AFG2A: variants seen among roughly 807,000 people sequenced by gnomAD.
AFG2A encodes the protein ATPase family gene 2 protein homolog A.
chr4:123,088,469 C>T, the AFG2A span, among the ~76,000 whole-genome samples: 1 of 152,154 alleles, frequency 6.6e-6, no homozygotes, highest in East Asian at 1.9e-4. Context: ...TGTGTTTCTA[C>T]TTGACAGTTA....
chr4:123,131,278 T>C, the AFG2A span, among the ~76,000 whole-genome samples: 2 of 152,172 alleles, frequency 1.3e-5, no homozygotes, highest in Non-Finnish European at 2.9e-5. Flanking sequence ...TCTTTACTTA[T>C]GTATAATGTC....
the AFG2A span, among the ~76,000 whole-genome samples, chr4:123,020,056 A>T: frequency 0.012 from 1,846 of 151,978 alleles, 43 homozygotes; most frequent in African/African-American, 0.041. Flanking sequence ...TTTTTTGTTT[A>T]GTTTTGTTTT....
chr4:123,257,398 T>C, the AFG2A span, among the ~76,000 whole-genome samples: 32 of 152,176 alleles, frequency 2.1e-4, no homozygotes, highest in Non-Finnish European at 1.6e-4. Flanking sequence ...GTTGAAAATA[T>C]CGTAAGTCAA....
the AFG2A span, among the ~76,000 whole-genome samples, chr4:123,117,895 G>A: frequency 1.6e-4 from 25 of 151,650 alleles, no homozygotes; most frequent in African/African-American, 4.8e-4. Flanking sequence ...CCAGGGCTAC[G>A]CAACTAATAT....
At chr4:123,146,925 C>T in the AFG2A span, among the ~76,000 whole-genome samples, 2 of 152,118 alleles carry the variant, frequency 1.3e-5, no homozygotes, top group Non-Finnish European at 2.9e-5. Flanking sequence ...ATAAGTCTTC[C>T]GTGAGCAAAG....
the AFG2A span, among the ~76,000 whole-genome samples, chr4:123,184,532 CTTT>C: frequency 0.026 from 2,337 of 89,132 alleles, 19 homozygotes; most frequent in Non-Finnish European, 0.038. Flanking sequence ...ATGATCATTT[CTTT>C]TTTTTTTTTT....
chr4:123,166,285 C>A, the AFG2A span, among the ~76,000 whole-genome samples: 1 of 152,106 alleles, frequency 6.6e-6, no homozygotes. Flanking sequence ...GGAAGAAAAA[C>A]GTGAAAAGGT....
chr4:123,144,273 T>G, the AFG2A span, among the ~76,000 whole-genome samples: 4 of 152,250 alleles, frequency 2.6e-5, no homozygotes, highest in South Asian at 8.3e-4. Flanking sequence ...TCTGTTGGCT[T>G]CATTTGCTTT....
chr4:122,973,181 A>C, the AFG2A span, among the ~76,000 whole-genome samples: 1 of 152,094 alleles, frequency 6.6e-6, no homozygotes, highest in Non-Finnish European at 1.5e-5. Context: ...CTTAATGCCT[A>C]TTTGATAGTA....
At chr4:122,939,330 C>A in the AFG2A span, among the ~76,000 whole-genome samples, 1 of 152,206 alleles carries the variant, frequency 6.6e-6, no homozygotes, top group African/African-American at 2.4e-5. Flanking sequence ...GATCCGCCCG[C>A]CTCGGCCTCC....
chr4:122,968,755 T>C, the AFG2A span, among the ~76,000 whole-genome samples: 1 of 152,210 alleles, frequency 6.6e-6, no homozygotes, highest in Non-Finnish European at 1.5e-5. Context: ...GTTTTTGTAG[T>C]GATTTTACCA....
the AFG2A span, among the ~76,000 whole-genome samples, chr4:123,080,746 C>T: frequency 6.6e-6 from 1 of 151,940 alleles, no homozygotes; most frequent in African/African-American, 2.4e-5. Flanking sequence ...TTTTTTTCAT[C>T]CGGTGACTCC....
At chr4:123,047,491 A>G in the AFG2A span, among the ~76,000 whole-genome samples, 1 of 151,942 alleles carries the variant, frequency 6.6e-6, no homozygotes, top group Non-Finnish European at 1.5e-5. Context: ...GTAATTTGCT[A>G]ATATTTTCTC....
the AFG2A span, among the ~76,000 whole-genome samples, chr4:123,243,840 G>C: frequency 6.6e-6 from 1 of 151,914 alleles, no homozygotes; most frequent in Non-Finnish European, 1.5e-5. Context: ...ACCGTAGGGA[G>C]ACCCGTCTGT....
At chr4:122,969,645 G>T in the AFG2A span, among the ~76,000 whole-genome samples, 1 of 152,106 alleles carries the variant, frequency 6.6e-6, no homozygotes, top group African/African-American at 2.4e-5. Context: ...ATTTTGATTG[G>T]AATTATTAAG....
At chr4:123,046,543 G>C in the AFG2A span, among the ~76,000 whole-genome samples, 10 of 152,134 alleles carry the variant, frequency 6.6e-5, no homozygotes, top group Admixed American at 3.9e-4. Flanking sequence ...TATTTTGCAG[G>C]CACATGTGAT....
At chr4:122,960,193 T>G in the AFG2A span, among the ~76,000 whole-genome samples, 1 of 152,214 alleles carries the variant, frequency 6.6e-6, no homozygotes, top group African/African-American at 2.4e-5. Flanking sequence ...TGTCTGTGTT[T>G]GTATTCCTGC....
chr4:123,031,168 T>C, the AFG2A span, among the ~76,000 whole-genome samples: 1 of 152,162 alleles, frequency 6.6e-6, no homozygotes, highest in African/African-American at 2.4e-5. Context: ...CTCTTTTTTT[T>C]TGAGACAGAG....
the AFG2A span, among the ~76,000 whole-genome samples, chr4:123,160,018 TTTGTTGTTGTTG>T: frequency 2.0e-5 from 3 of 151,790 alleles, no homozygotes; most frequent in East Asian, 3.9e-4. Flanking sequence ...ATCTTGTCTT[TTTGTTGTTGTTG>T]TTGTTGTTGT....
Sources: allele counts gnomAD v4.1 joint callset (sites outside exome capture counted in the v4.1 genomes callset), GRCh38; gene constraint gnomAD v4.1.1; transcripts MANE v1.5; gene names NCBI Gene and HGNC (gene_info 2026-07-23, HGNC 2026-07-21).